Variants in NTM observed in about 807,000 individuals in gnomAD.
NTM encodes the protein IgLON family member 2.
Under a neutral mutation model 42.1 loss-of-function variants are expected in NTM, and 13 were observed. That is an observed-to-expected ratio of 0.31 (90% CI 0.20 to 0.49). The LOEUF (loss-of-function observed/expected upper bound fraction) is 0.49. Among genes scored for constraint, NTM ranks in the 20% least tolerant of loss-of-function variants. The pLI, the probability that NTM is intolerant of heterozygous loss-of-function variation, is 0.99. For synonymous variants in NTM, 187 were observed against 179.2 expected (o/e 1.04, Z -0.35); for missense variants, 373 against 452.8 (o/e 0.82, Z 1.60).
rs201718481 is a variant in NTM at position 132,307,792 on chromosome 11, C to T, written c.630C>T (p.Pro210=). ...GTGCCTCCAATGACGTGGCCGCGCC[C>T]GTGGTACGGAGAGTAAAGGTCACCG... ...ECSASNDVAA[P]VVRRVKVTVN... The change falls in exon 5 of 9, where the codon CCC becomes CCT. Residue 210 remains proline, a synonymous_variant. Transcript: ENST00000683400. 2.7e-5 allele frequency: 43 copies of T among 1,614,188 alleles called. No individual in the cohort carries two copies. The South Asian group carries it at 2.7e-4, about 10-fold the overall frequency.
chr11:131,574,866 A>G (rs953474604), intron 1 of NTM, among the ~76,000 whole-genome samples: 1 of 152,102 alleles, frequency 6.6e-6, no homozygotes, highest in Non-Finnish European at 1.5e-5. Context: ...ACCTCTGGGA[A>G]GACCTATGCC....
At chr11:132,299,812 A>G (rs1461146032) in intron 4 of NTM, among the ~76,000 whole-genome samples, 2 of 152,114 alleles carry the variant, frequency 1.3e-5, no homozygotes, top group East Asian at 1.9e-4. Flanking sequence ...AAATTTGCCC[A>G]TTTTTGGCAA....
chr11:131,519,343 T>C (rs545453539), intron 1 of NTM, among the ~76,000 whole-genome samples: 2 of 151,920 alleles, frequency 1.3e-5, no homozygotes, highest in Admixed American at 6.5e-5. Flanking sequence ...TCTTTAGTTT[T>C]ATTTCTGGGT....
intron 1 of NTM, among the ~76,000 whole-genome samples, chr11:131,633,669 CT>C: frequency 1.4e-5 from 2 of 140,414 alleles, no homozygotes; most frequent in African/African-American, 2.7e-5. Flanking sequence ...CTCTCTCCCT[CT>C]CTCCCTCCCT....
intron 1 of NTM, among the ~76,000 whole-genome samples, chr11:131,550,354 C>T (rs564607317): frequency 1.2e-4 from 19 of 152,178 alleles, no homozygotes; most frequent in African/African-American, 2.2e-4. Flanking sequence ...GAGACTGTGT[C>T]GCTGCCCAAA....
At chr11:132,122,015 C>T (rs1231414326) in intron 2 of NTM, among the ~76,000 whole-genome samples, 1 of 152,208 alleles carries the variant, frequency 6.6e-6, no homozygotes, top group African/African-American at 2.4e-5. Context: ...GCAGCCTCCA[C>T]CTCTATGCAT....
intron 1 of NTM, among the ~76,000 whole-genome samples, chr11:131,636,013 C>T (rs976854678): frequency 3.9e-5 from 6 of 152,188 alleles, no homozygotes; most frequent in Non-Finnish European, 5.9e-5. Flanking sequence ...CATCGAGGTT[C>T]GTGTAAGTGC....
chr11:132,084,394 T>C (rs991360516), intron 2 of NTM, among the ~76,000 whole-genome samples: 1 of 152,168 alleles, frequency 6.6e-6, no homozygotes, highest in Non-Finnish European at 1.5e-5. Context: ...ACTAATATTA[T>C]TTACTAAAAT....
chr11:132,295,255 A>T, intron 4 of NTM, among the ~76,000 whole-genome samples: 1 of 152,246 alleles, frequency 6.6e-6, no homozygotes, highest in South Asian at 2.1e-4. Context: ...TTAACAATTG[A>T]TATGATATAA....
At chr11:131,525,071 A>G (rs557865958) in intron 1 of NTM, among the ~76,000 whole-genome samples, 1 of 152,054 alleles carries the variant, frequency 6.6e-6, no homozygotes, top group Non-Finnish European at 1.5e-5. Context: ...ATTACTCATC[A>G]GAGTAATTCT....
chr11:132,072,156 C>G (rs1338479678), intron 2 of NTM, among the ~76,000 whole-genome samples: 3 of 152,184 alleles, frequency 2.0e-5, no homozygotes, highest in Non-Finnish European at 4.4e-5. Context: ...AACCCCAGCC[C>G]TTCCCCTGAC....
chr11:132,274,403 G>A (rs2093628004), intron 4 of NTM, among the ~76,000 whole-genome samples: 1 of 151,412 alleles, frequency 6.6e-6, no homozygotes, highest in Non-Finnish European at 1.5e-5. Flanking sequence ...AAAGTTTTTG[G>A]TTTTTGTTAT....
At chr11:132,255,034 C>T (rs2092362442) in intron 4 of NTM, among the ~76,000 whole-genome samples, 1 of 152,222 alleles carries the variant, frequency 6.6e-6, no homozygotes, top group Admixed American at 6.5e-5. Flanking sequence ...ACAGCCCTAG[C>T]CCACAGCCTG....
At chr11:131,578,914 G>C (rs1032131631) in intron 1 of NTM, among the ~76,000 whole-genome samples, 1 of 152,176 alleles carries the variant, frequency 6.6e-6, no homozygotes, top group Non-Finnish European at 1.5e-5. Context: ...GGTTCACAAG[G>C]CCTGGAAGCT....
chr11:132,140,924 G>C (rs555545824), intron 2 of NTM: 2 of 152,200 alleles, frequency 1.3e-5, no homozygotes, highest in Non-Finnish European at 2.9e-5. Context: ...CAGGTGCTGC[G>C]AAGGGCGAAA....
At chr11:131,437,022 T>G (rs560926819) in intron 1 of NTM, among the ~76,000 whole-genome samples, 3 of 152,240 alleles carry the variant, frequency 2.0e-5, no homozygotes, top group African/African-American at 4.8e-5. Flanking sequence ...TCTTTATTTC[T>G]GCTTCATTTC....
chr11:131,833,171 G>C (rs1453514799), intron 1 of NTM, among the ~76,000 whole-genome samples: 1 of 152,152 alleles, frequency 6.6e-6, no homozygotes, highest in Non-Finnish European at 1.5e-5. Flanking sequence ...GTTTTCCTTA[G>C]CTATATTGTG....
Position 131,698,303 on chromosome 11 carries a change from C to G in NTM, c.83-213261C>G, listed in dbSNP as rs118089123. The stretch of plus-strand genomic sequence containing the variant: ...CCCCCACCCTACCCCAGTGCTCACA[C>G]ACTCACTACTCTATTTCATGACTCC... On this transcript the variant is annotated intron_variant, in intron 1 of 8. Coordinates refer to ENST00000683400, the MANE Select transcript of NTM (RefSeq NM_001352005.2). 9.9e-5 allele frequency among the ~76,000 whole-genome samples: 15 copies of G among 152,276 alleles called. No individual in the cohort carries two copies. In the East Asian group the frequency reaches 2.7e-3, roughly 27 times the overall value.
intron 2 of NTM, among the ~76,000 whole-genome samples, chr11:132,140,612 G>A (rs775312077): frequency 7.2e-5 from 11 of 152,162 alleles, no homozygotes; most frequent in Non-Finnish European, 1.0e-4. Context: ...CAGTAGTGAC[G>A]CTTTCTCTTA....
Sources: allele counts gnomAD v4.1 joint callset (sites outside exome capture counted in the v4.1 genomes callset), GRCh38; gene constraint gnomAD v4.1.1; transcripts MANE v1.5; gene names NCBI Gene and HGNC (gene_info 2026-07-23, HGNC 2026-07-21).